The following RBFOX1 variants were observed in gnomAD, a reference collection of about 807,000 sequenced individuals.
RBFOX1 encodes the protein RNA binding protein fox-1 homolog 1.
Under a neutral mutation model 57.7 loss-of-function variants are expected in RBFOX1, and 8 were observed. The observed-to-expected ratio is 0.14, with a 90% CI of 0.08 to 0.25. The LOEUF (loss-of-function observed/expected upper bound fraction) is 0.25. Ranked by LOEUF, RBFOX1 falls within the 10% of genes least tolerant of loss-of-function variation. The pLI is 1.00. For synonymous variants in RBFOX1, 326 were observed against 222.4 expected, an observed-to-expected ratio of 1.47 and a Z score of -4.15; for missense variants, 611 against 548.5, an observed-to-expected ratio of 1.11 and a Z score of -1.14.
chr16:7,375,148 C>T lies in RBFOX1; in HGVS notation c.28-142999C>T, dbSNP rs149680975. Reference sequence around the variant, plus strand: ...TTATCCTGCTTAATCTTTTCAGTAACGTTGGTAGATTAATATCATTATCCC... The same window carrying T: ...TTATCCTGCTTAATCTTTTCAGTAATGTTGGTAGATTAATATCATTATCCC... On this transcript the variant is annotated intron_variant, in intron 4 of 15. Transcript: ENST00000550418. 4.0e-3 allele frequency among the ~76,000 whole-genome samples: 614 copies of T among 152,236 alleles called. 1 individual carries two copies. The highest frequency in any genetic ancestry group is 0.014 in the African/African-American group (591 of 41,540).
At chr16:7,579,716 G>C (rs2093608786) in intron 5 of RBFOX1, 61 bp from the exon 6 acceptor site, 2 of 1,594,902 alleles carry the variant, frequency 1.3e-6, no homozygotes, top group Non-Finnish European at 1.7e-6. Flanking sequence ...AAGCAAAAGA[G>C]CATCGGAAGA....
rs370736502 is a variant in RBFOX1 at position 7,032,391 on chromosome 16, G to T, written c.-15-19666G>T. 3.3e-5 allele frequency among the ~76,000 whole-genome samples: 5 copies of T among 152,214 alleles called. 1 individual carries two copies. The East Asian group carries it at 5.8e-4, about 18-fold the overall frequency. ...ACCCAGGAGGTGGAGGTTGCAGTGA[G>T]CTGAGATCCCAGTGCACTCCAATCT... is the stretch of plus-strand genomic sequence containing the variant. On this transcript the variant is annotated intron_variant, in intron 3 of 15. Transcript: ENST00000550418.
intron 3 of RBFOX1, among the ~76,000 whole-genome samples, chr16:6,836,103 A>G (rs1215967628): frequency 6.6e-6 from 1 of 152,198 alleles, no homozygotes; most frequent in Non-Finnish European, 1.5e-5. Context: ...GAAATGGGAG[A>G]CAATCATGCA....
chr16:6,056,127 C>G (rs2095611470), intron 1 of RBFOX1, among the ~76,000 whole-genome samples: 1 of 152,156 alleles, frequency 6.6e-6, no homozygotes, highest in African/African-American at 2.4e-5. Flanking sequence ...GGGAAAATAT[C>G]TGTCCATAGC....
intron 1 of RBFOX1, among the ~76,000 whole-genome samples, chr16:6,249,624 G>T (rs1459723385): frequency 6.6e-6 from 1 of 152,118 alleles, no homozygotes; most frequent in Non-Finnish European, 1.5e-5. Context: ...ATCAGGCAGG[G>T]AGTGGCCCCT....
At chr16:7,098,571 A>G (rs920643020) in intron 4 of RBFOX1, among the ~76,000 whole-genome samples, 1 of 152,176 alleles carries the variant, frequency 6.6e-6, no homozygotes, top group Non-Finnish European at 1.5e-5. Flanking sequence ...ACCCTTAAAC[A>G]TATACATTCG....
intron 3 of RBFOX1, among the ~76,000 whole-genome samples, chr16:6,885,766 G>C (rs1340925599): frequency 6.6e-6 from 1 of 152,064 alleles, no homozygotes; most frequent in Non-Finnish European, 1.5e-5. Flanking sequence ...TCATGCCTCA[G>C]GTGATTCACC....
chr16:5,447,933 G>A (rs1478165793), intron 1 of RBFOX1, among the ~76,000 whole-genome samples: 1 of 152,164 alleles, frequency 6.6e-6, no homozygotes, highest in Non-Finnish European at 1.5e-5. Context: ...CTCATTCTGT[G>A]TAGAGTGACT....
At chr16:5,268,360 G>C (rs1392555708) in intron 1 of RBFOX1, among the ~76,000 whole-genome samples, 1 of 152,212 alleles carries the variant, frequency 6.6e-6, no homozygotes, top group East Asian at 1.9e-4. Flanking sequence ...TTTGGAGTAT[G>C]TGGAATTGGA....
rs770555061 is a variant in RBFOX1, at chr16:5,901,298, C to T, written c.351+33963C>T. On this transcript the variant is annotated intron_variant, in intron 4 of 19. Coordinates refer to the RBFOX1 transcript ENST00000641259. ...CGTTCCTCTTTGAAACAATTTTATGCTCTGGTAATCTGATCCCCTTACTGT... is the reference window on the plus strand; with the variant it reads ...CGTTCCTCTTTGAAACAATTTTATGTTCTGGTAATCTGATCCCCTTACTGT... Among the ~76,000 whole-genome samples the T allele has an allele frequency of 2.6e-5, 4 of 152,170 alleles. No individual in the cohort carries two copies. The South Asian group carries it at 6.2e-4, about 24-fold the overall frequency.
intron 1 of RBFOX1, among the ~76,000 whole-genome samples, chr16:6,314,834 A>G (rs979731606): frequency 3.9e-5 from 6 of 152,230 alleles, no homozygotes; most frequent in African/African-American, 1.4e-4. Context: ...GCATACTGTG[A>G]ATCTCTAGAA....
chr16:7,115,460 A>G lies in RBFOX1; in HGVS notation c.27+63362A>G, dbSNP rs543024223. Among the ~76,000 whole-genome samples the G allele has an allele frequency of 3.9e-5, 6 of 152,322 alleles. No homozygotes were observed. In the East Asian group the frequency reaches 1.2e-3, roughly 29 times the overall value. ...ACCACCTCATAGTTGCTGTGGACTG[A>G]GAGTCCGAAAGCATGTTTGCTGAGT... On this transcript the variant is annotated intron_variant, in intron 4 of 15. Transcript: ENST00000550418.
chr16:5,561,306 A>G (rs1244052440), intron 2 of RBFOX1, among the ~76,000 whole-genome samples: 2 of 152,214 alleles, frequency 1.3e-5, no homozygotes, highest in East Asian at 1.9e-4. Context: ...GTTGGAATCA[A>G]TATGTATTTC....
At chr16:6,629,431 T>A (rs8050893) in intron 2 of RBFOX1, among the ~76,000 whole-genome samples, 1,579 of 152,318 alleles carry the variant, frequency 0.01, 29 homozygotes, top group African/African-American at 0.035. Context: ...CAGCCTTGAT[T>A]TATGTTTTAT....
At chr16:6,912,320 G>A (rs1028903019) in intron 3 of RBFOX1, among the ~76,000 whole-genome samples, 8 of 152,098 alleles carry the variant, frequency 5.3e-5, no homozygotes, top group Non-Finnish European at 8.8e-5. Flanking sequence ...TAGCTCTGGG[G>A]TGGAGCTCTG....
At chr16:6,955,734 A>G (rs1598320112) in intron 3 of RBFOX1, among the ~76,000 whole-genome samples, 1 of 147,204 alleles carries the variant, frequency 6.8e-6, no homozygotes, top group East Asian at 1.9e-4. Flanking sequence ...AGGGAGTTTC[A>G]CTCTTGTTCC....
chr16:7,616,990 T>TA (rs200937855), intron 10 of RBFOX1, among the ~76,000 whole-genome samples: 346 of 142,320 alleles, frequency 2.4e-3, no homozygotes, highest in Middle Eastern at 3.6e-3. Flanking sequence ...GCACAACCAT[T>TA]AAAAAAAAAA....
chr16:6,008,643 G>T (rs536487970), intron 4 of RBFOX1, among the ~76,000 whole-genome samples: 13 of 152,272 alleles, frequency 8.5e-5, no homozygotes, highest in Admixed American at 6.5e-4. Context: ...TTTGAAGATG[G>T]AGCAGAGGGA....
chr16:6,049,012 T>G (rs894158300), intron 1 of RBFOX1, among the ~76,000 whole-genome samples: 4 of 151,896 alleles, frequency 2.6e-5, no homozygotes, highest in African/African-American at 9.7e-5. Flanking sequence ...ATGATCATCC[T>G]TGTGCCATTT....
Sources: allele counts gnomAD v4.1 joint callset (sites outside exome capture counted in the v4.1 genomes callset), GRCh38; gene constraint gnomAD v4.1.1; transcripts MANE v1.5; gene names NCBI Gene and HGNC (gene_info 2026-07-23, HGNC 2026-07-21).